Variants in WDR41 observed in about 807,000 individuals in gnomAD.
WDR41 encodes WD repeat-containing protein 41.
In WDR41, 63 loss-of-function variants were observed where a neutral mutation model predicts 69.3. The observed-to-expected ratio is 0.91, with a 90% CI of 0.74 to 1.12. The LOEUF is 1.12. Among genes scored for constraint, WDR41 ranks in the 50% most tolerant of loss-of-function variants. The pLI is 0.00. For missense variants in WDR41, 543 were observed against 534.5 expected (o/e 1.02, Z -0.16); for synonymous variants, 185 against 192.1 (o/e 0.96, Z 0.31).
chr5:77,495,043 G>C (rs1378245073), upstream of WDR41, among the ~76,000 whole-genome samples: 1 of 151,994 alleles, frequency 6.6e-6, no homozygotes, highest in Non-Finnish European at 1.5e-5. Flanking sequence ...AACAACCAAT[G>C]AGTCACAAGA....
chr5:77,582,814 C>G (rs142194731), intron 1 of WDR41: 1 of 1,601,212 alleles, frequency 6.2e-7, no homozygotes, highest in African/African-American at 1.3e-5. Context: ...GTACCCCAAT[C>G]TGAAGTCAGT....
At chr5:77,560,571 G>T (rs73126046) in intron 1 of WDR41, among the ~76,000 whole-genome samples, 3 of 151,900 alleles carry the variant, frequency 2.0e-5, no homozygotes, top group East Asian at 1.9e-4. Flanking sequence ...GAACAGACTC[G>T]CTGGCTGACT....
chr5:77,564,095 A>T (rs886822445), intron 1 of WDR41, among the ~76,000 whole-genome samples: 5 of 152,200 alleles, frequency 3.3e-5, no homozygotes, highest in Non-Finnish European at 5.9e-5. Context: ...AAATAAATAC[A>T]TGTAAAGTAT....
intron 2 of WDR41, among the ~76,000 whole-genome samples, chr5:77,466,942 A>T (rs1448883736): frequency 6.6e-6 from 1 of 151,790 alleles, no homozygotes; most frequent in East Asian, 1.9e-4. Flanking sequence ...AAGGGTTGAG[A>T]TATCATTCAC....
chr5:77,505,152 A>G (rs553955981), intron 1 of WDR41, among the ~76,000 whole-genome samples: 7 of 152,316 alleles, frequency 4.6e-5, no homozygotes, highest in Non-Finnish European at 8.8e-5. Context: ...AAATCTCCTT[A>G]AGCTGATAAG....
intron 1 of WDR41, among the ~76,000 whole-genome samples, chr5:77,577,693 G>A (rs926761403): frequency 6.6e-6 from 1 of 152,136 alleles, no homozygotes; most frequent in Non-Finnish European, 1.5e-5. Flanking sequence ...TTGCAGCACT[G>A]TTCCTAGTGA....
chr5:77,574,223 G>A (rs10074052), intron 1 of WDR41, among the ~76,000 whole-genome samples: 8,828 of 152,050 alleles, frequency 0.058, 388 homozygotes, highest in Admixed American at 0.14. Context: ...GCTTGAACCC[G>A]GGAGGCGAAG....
chr5:77,440,913 T>C lies in WDR41; in HGVS notation c.782A>G (p.Asn261Ser), dbSNP rs148543308. The C allele has an allele frequency of 2.5e-6, 4 of 1,614,174 alleles. No homozygotes were observed. The highest frequency in any genetic ancestry group is 2.7e-5 in the African/African-American group (2 of 75,042). The change falls in exon 9 of 13, where the codon AAC becomes AGC. Residue 261 changes from asparagine (N) to serine (S), a missense_variant. Transcript: ENST00000296679. Reference sequence around the variant, plus strand: ...CAGTTGTGGAGATGGGTCCCAGAAGTTGCGTTCATAGGCCTGCATGGTCCA... The same window carrying C: ...CAGTTGTGGAGATGGGTCCCAGAAGCTGCGTTCATAGGCCTGCATGGTCCA... ...LDWTMQAYER[N>S]FWDPSPQLDT... is the part of the protein sequence containing the mutation.
At chr5:77,456,134 A>C (rs1050889100) in intron 5 of WDR41, among the ~76,000 whole-genome samples, 2 of 152,176 alleles carry the variant, frequency 1.3e-5, no homozygotes, top group African/African-American at 4.8e-5. Context: ...AATATCTTTC[A>C]ACAATGTTTT....
At chr5:77,552,547 A>T (rs1358056915) in intron 1 of WDR41, among the ~76,000 whole-genome samples, 3 of 152,244 alleles carry the variant, frequency 2.0e-5, no homozygotes, top group African/African-American at 7.2e-5. Flanking sequence ...TTATGCTAAA[A>T]TATATATGAA....
chr5:77,600,408 A>T (rs1744301414), intron 1 of WDR41, among the ~76,000 whole-genome samples: 1 of 152,242 alleles, frequency 6.6e-6, no homozygotes, highest in African/African-American at 2.4e-5. Flanking sequence ...ACATTTAGAA[A>T]CAATAAATAG....
chr5:77,514,521 C>G (rs542846113), intron 1 of WDR41, among the ~76,000 whole-genome samples: 1 of 152,260 alleles, frequency 6.6e-6, no homozygotes, highest in East Asian at 1.9e-4. Flanking sequence ...GGTGTAAGCT[C>G]TATGAGAACC....
chr5:77,511,668 A>G lies in WDR41; in HGVS notation c.43-22096T>C, dbSNP rs181852502. ...AAACATCCATCCACAGTTCCATTAC[A>G]TCTGCAGTTCTATTAGTAAAGGTCA... is the stretch of plus-strand genomic sequence containing the variant. On this transcript the variant is annotated intron_variant, in intron 1 of 5. Coordinates refer to the WDR41 transcript ENST00000509971. 1.1e-3 allele frequency among the ~76,000 whole-genome samples: 171 copies of G among 152,314 alleles called. 1 individual carries two copies. The highest frequency in any genetic ancestry group is 1.9e-3 in the Non-Finnish European group (126 of 68,022).
intron 2 of WDR41, among the ~76,000 whole-genome samples, chr5:77,481,809 G>C (rs563781313): frequency 2.4e-5 from 3 of 127,008 alleles, no homozygotes; most frequent in East Asian, 2.3e-4. Context: ...AAAAAAAAAA[G>C]AGCCATATCT....
At chr5:77,435,753 G>A (rs1017959888) in intron 12 of WDR41, among the ~76,000 whole-genome samples, 8 of 152,124 alleles carry the variant, frequency 5.3e-5, no homozygotes, top group African/African-American at 1.7e-4. Context: ...AAAAGCTTAC[G>A]CATTTCATAA....
At chr5:77,439,491 A>G (rs1200163158) in intron 9 of WDR41, among the ~76,000 whole-genome samples, 1 of 152,234 alleles carries the variant, frequency 6.6e-6, no homozygotes, top group Non-Finnish European at 1.5e-5. Flanking sequence ...AGCCCTGTGG[A>G]TTGTATTCAA....
chr5:77,600,827 C>G (rs1008000580), intron 1 of WDR41, among the ~76,000 whole-genome samples: 1 of 151,866 alleles, frequency 6.6e-6, no homozygotes, highest in Non-Finnish European at 1.5e-5. Context: ...TTGCAGTGAG[C>G]CGAGATAACG....
chr5:77,484,478 G>A (rs972715581), intron 2 of WDR41, among the ~76,000 whole-genome samples: 2 of 151,906 alleles, frequency 1.3e-5, no homozygotes, highest in African/African-American at 2.4e-5. Flanking sequence ...TAAAGTCAAC[G>A]TCACACTGGA....
At chr5:77,566,529 G>A (rs1743632357) in intron 1 of WDR41, among the ~76,000 whole-genome samples, 1 of 152,130 alleles carries the variant, frequency 6.6e-6, no homozygotes, top group South Asian at 2.1e-4. Flanking sequence ...AGCAAGCCAA[G>A]ACACATATTT....
Sources: gnomAD v4.1 joint callset for allele counts (sites outside exome capture counted in the v4.1 genomes callset) on GRCh38, gnomAD v4.1.1 for gene constraint, MANE v1.5 for transcripts, NCBI Gene and HGNC (gene_info 2026-07-23, HGNC 2026-07-21) for gene names.